The following TOM1L2 variants were observed in gnomAD, a reference collection of about 807,000 sequenced individuals.
TOM1L2 encodes target of myb1 like 2 membrane trafficking protein.
TOM1L2 carries 31 observed loss-of-function variants against 67.9 expected under a neutral mutation model. The observed-to-expected ratio is 0.46, with a 90% CI of 0.34 to 0.62. TOM1L2 has a LOEUF of 0.62. TOM1L2 is among the 20% of genes least tolerant of loss of function. The pLI is 0.01. For missense variants in TOM1L2, 606 were observed against 663.5 expected (o/e 0.91, Z 0.95); for synonymous variants, 256 against 254.0 (o/e 1.01, Z -0.07).
intron 1 of TOM1L2, among the ~76,000 whole-genome samples, chr17:17,931,627 T>C (rs2040339000): frequency 6.6e-6 from 1 of 152,178 alleles, no homozygotes; most frequent in Non-Finnish European, 1.5e-5. Context: ...CAGAAGACCT[T>C]ACACATGAGG....
At chr17:17,892,289 TC>T (rs1374189295) in intron 4 of TOM1L2, among the ~76,000 whole-genome samples, 1 of 152,110 alleles carries the variant, frequency 6.6e-6, no homozygotes, top group Admixed American at 6.5e-5. Context: ...GCACTCCACT[TC>T]CTGCATTCTC....
At chr17:17,954,312 C>CTTTT (rs5819638) in intron 1 of TOM1L2, among the ~76,000 whole-genome samples, 2 of 134,680 alleles carry the variant, frequency 1.5e-5, no homozygotes, top group East Asian at 2.2e-4. Context: ...ATAAATCATT[C>CTTTT]TTTTTTTTTT....
intron 1 of TOM1L2, among the ~76,000 whole-genome samples, chr17:17,935,012 T>TGC (rs1196520284): frequency 2.6e-5 from 4 of 152,236 alleles, no homozygotes; most frequent in African/African-American, 9.6e-5. Context: ...CCATGTGCAC[T>TGC]GCATACAAAG....
chr17:17,946,455 A>G (rs1417216164), intron 1 of TOM1L2, among the ~76,000 whole-genome samples: 4 of 152,200 alleles, frequency 2.6e-5, no homozygotes, highest in African/African-American at 9.7e-5. Flanking sequence ...TATAAATGCA[A>G]TCATACAATA....
At chr17:17,907,821 C>A (rs111432689) in intron 1 of TOM1L2, among the ~76,000 whole-genome samples, 42 of 152,294 alleles carry the variant, frequency 2.8e-4, no homozygotes, top group African/African-American at 9.4e-4. Flanking sequence ...GTTTATGAAC[C>A]CGTAGAGTCT....
intron 6 of TOM1L2, among the ~76,000 whole-genome samples, chr17:17,881,431 AGGAG>A (rs1284387846): frequency 6.6e-6 from 1 of 152,164 alleles, no homozygotes; most frequent in Non-Finnish European, 1.5e-5. Flanking sequence ...TCTGGCTACT[AGGAG>A]GGCCTTCCCA....
chr17:17,959,856 T>G (rs1568389875), intron 1 of TOM1L2, among the ~76,000 whole-genome samples: 1 of 152,206 alleles, frequency 6.6e-6, no homozygotes, highest in South Asian at 2.1e-4. Context: ...CATTAATGAT[T>G]AAAAGAGCAG....
intron 7 of TOM1L2, among the ~76,000 whole-genome samples, chr17:17,873,479 C>T (rs969202045): frequency 6.6e-6 from 1 of 152,184 alleles, no homozygotes; most frequent in African/African-American, 2.4e-5. Flanking sequence ...GCACTCCACA[C>T]AGCAGAAGCC....
intron 1 of TOM1L2, among the ~76,000 whole-genome samples, chr17:17,971,380 G>A (rs773226131): frequency 6.6e-6 from 1 of 152,066 alleles, no homozygotes; most frequent in African/African-American, 2.4e-5. Context: ...CCCAGTCCAG[G>A]GCTCTTATCA....
At position 17,884,643 on chromosome 17, in the gene TOM1L2, T is replaced by C; in HGVS notation, c.492A>G (p.Thr164=). ...CCAGCTGGAAGCTTACCCGCTGTGG[T>C]GTGTGTATGGGAGACAGAGCGTCCA... ...ADLDALSPIH[T]PQRSVPEVDP... is the part of the protein sequence containing the mutation. Residue 164 remains threonine, a synonymous_variant, in exon 5 of 15, where the codon ACA becomes ACG. Transcript: ENST00000379504. 2 of 1,614,006 alleles carry C rather than the reference T, an allele frequency of 1.2e-6. No individual in the cohort carries two copies. Among genetic ancestry groups the C allele is most frequent in the South Asian group, 2.2e-5 (2 of 91,078 alleles).
intron 13 of TOM1L2, 26 bp downstream of exon 13, chr17:17,850,867 G>T (rs766966190): frequency 1.9e-6 from 3 of 1,613,322 alleles, no homozygotes; most frequent in Admixed American, 1.7e-5. Context: ...ACACCCCACA[G>T]ATGAAATAGA....
intron 1 of TOM1L2, among the ~76,000 whole-genome samples, chr17:17,944,164 C>T (rs969927893): frequency 1.3e-5 from 2 of 152,220 alleles, no homozygotes; most frequent in Admixed American, 1.3e-4. Flanking sequence ...AATAATGCAG[C>T]CCCCGGATAG....
intron 1 of TOM1L2, among the ~76,000 whole-genome samples, chr17:17,948,766 G>T (rs982013422): frequency 5.3e-5 from 8 of 152,078 alleles, no homozygotes; most frequent in African/African-American, 1.9e-4. Context: ...AGTGAGATCA[G>T]CGGAGTGCCC....
rs546146235 is a variant in TOM1L2, at chr17:17,881,847, C to T, written c.660+858G>A. ...GACACAACACTGCCATCCCTACACACACATTGCTATCCCTACACACACATT... is the reference window on the plus strand; with the variant it reads ...GACACAACACTGCCATCCCTACACATACATTGCTATCCCTACACACACATT... On this transcript the variant is annotated intron_variant, in intron 6 of 14. Transcript: ENST00000379504. Among the ~76,000 whole-genome samples the T allele has an allele frequency of 2.6e-5, 4 of 152,336 alleles. No homozygotes were observed. The South Asian group carries it at 8.3e-4, about 32-fold the overall frequency.
At chr17:17,897,429 G>A (rs1406474927) in intron 3 of TOM1L2, among the ~76,000 whole-genome samples, 2 of 152,164 alleles carry the variant, frequency 1.3e-5, no homozygotes, top group African/African-American at 4.8e-5. Flanking sequence ...AAGGAAACAT[G>A]GTTGTTTTGG....
chr17:17,894,752 G>A (rs1288161551), intron 3 of TOM1L2, among the ~76,000 whole-genome samples: 1 of 152,212 alleles, frequency 6.6e-6, no homozygotes, highest in Non-Finnish European at 1.5e-5. Context: ...CCAACACGGC[G>A]AAGCCCTGCG....
At chr17:17,899,194 G>A (rs1335660657) in intron 2 of TOM1L2, among the ~76,000 whole-genome samples, 2 of 152,232 alleles carry the variant, frequency 1.3e-5, no homozygotes, top group East Asian at 1.9e-4. Flanking sequence ...ACCCACTGGT[G>A]TGTGGGTACA....
chr17:17,957,147 A>C (rs1161693213), intron 1 of TOM1L2, among the ~76,000 whole-genome samples: 4 of 152,036 alleles, frequency 2.6e-5, no homozygotes, highest in African/African-American at 9.7e-5. Flanking sequence ...CACCCAGCTA[A>C]TTTTTAAATT....
intron 1 of TOM1L2, among the ~76,000 whole-genome samples, chr17:17,909,429 A>G (rs1010649866): frequency 6.6e-6 from 1 of 152,168 alleles, no homozygotes; most frequent in Non-Finnish European, 1.5e-5. Flanking sequence ...AAGGAAGGAA[A>G]TCCTATTGCA....
Sources: allele counts gnomAD v4.1 joint callset (sites outside exome capture counted in the v4.1 genomes callset), GRCh38; gene constraint gnomAD v4.1.1; transcripts MANE v1.5; gene names NCBI Gene and HGNC (gene_info 2026-07-23, HGNC 2026-07-21).